The following RAD51D variants were observed in gnomAD, a reference collection of about 807,000 sequenced individuals.
RAD51D encodes DNA repair protein RAD51 homolog 4.
A neutral mutation model predicts 44.1 loss-of-function variants in RAD51D; 38 were observed. The ratio of observed to expected loss-of-function variants is 0.86; its 90% CI spans 0.67 to 1.13. The LOEUF is 1.13. Among genes scored for constraint, RAD51D ranks in the 50% most tolerant of loss-of-function variants. The pLI is 0.00. For missense variants in RAD51D, 390 were observed against 414.0 expected (o/e 0.94, Z 0.50); for synonymous variants, 141 against 166.6 (o/e 0.85, Z 1.18).
intron 3 of RAD51D, among the ~76,000 whole-genome samples, chr17:35,116,077 A>G (rs28363266): frequency 2.5e-4 from 38 of 150,950 alleles, no homozygotes; most frequent in East Asian, 7.8e-4. Flanking sequence ...ACAAAAAAAA[A>G]AAAGAAAGAA....
At position 35,118,577 on chromosome 17, in the gene RAD51D, C is replaced by G. The variant is rs777402267; in HGVS notation, c.187G>C (p.Ala63Pro). 1 of 1,614,076 alleles carries G rather than the reference C, an allele frequency of 6.2e-7. No individual in the cohort carries two copies. Among genetic ancestry groups the G allele is most frequent in the Non-Finnish European group, 8.5e-7 (1 of 1,180,046 alleles). Residue 63 changes from alanine to proline, a missense_variant, in exon 3 of 10, where the codon GCT becomes CCT. Coordinates refer to ENST00000345365, the MANE Select transcript of RAD51D (RefSeq NM_002878.4). ...LRRVLLAQFSAFPVNGADLYE... is the reference protein window; with the variant it reads ...LRRVLLAQFSPFPVNGADLYE... ...AGATCAGCGCCATTCACGGGGAAAG[C>G]CGAGAACTGAGCCAGCAGCACCCGC...
At chr17:35,113,157 A>C (rs544341368) in intron 3 of RAD51D, among the ~76,000 whole-genome samples, 161 of 152,258 alleles carry the variant, frequency 1.1e-3, no homozygotes, top group African/African-American at 3.8e-3. Flanking sequence ...TCACATGCGT[A>C]CCTTTCCTAG....
chr17:35,108,735 G>A (rs1298542108), intron 3 of RAD51D, among the ~76,000 whole-genome samples: 1 of 151,880 alleles, frequency 6.6e-6, no homozygotes, highest in African/African-American at 2.4e-5. Context: ...CCCTTTTATA[G>A]CCACATTCCT....
chr17:35,094,080 A>C lies in RAD51D; in HGVS notation c.*6873T>G, dbSNP rs2142398600. 6.6e-6 allele frequency: 1 copy of C among 152,366 alleles called. No homozygotes were observed. The highest frequency in any genetic ancestry group is 1.9e-4 in the East Asian group (1 of 5,178). The allele number at this position is 152,366 out of a possible 1,614,324, so 9.4% of individuals were successfully genotyped here. A position where few individuals can be genotyped will look rare whatever the true frequency, so the allele number is the denominator to read the frequency against. On this transcript the variant is annotated 3_prime_UTR_variant, in exon 10 of 10. Transcript: ENST00000345365. ...AATCCCTTATCTCCCCCTGCTTCAC[A>C]TCTCAGGGATGCATAGGCCCTGTTT... is the stretch of plus-strand genomic sequence containing the variant.
intron 3 of RAD51D, among the ~76,000 whole-genome samples, chr17:35,117,512 G>A (rs1380825268): frequency 6.6e-6 from 1 of 151,976 alleles, no homozygotes; most frequent in East Asian, 1.9e-4. Flanking sequence ...TTTTTTTTGA[G>A]AGAGTCTCGC....
chr17:35,111,792 T>A (rs1375778177), intron 3 of RAD51D, among the ~76,000 whole-genome samples: 1 of 152,160 alleles, frequency 6.6e-6, no homozygotes, highest in Non-Finnish European at 1.5e-5. Context: ...ATTATTAGAA[T>A]AAGCTTGTCT....
chr17:35,101,221 G>C lies in RAD51D; in HGVS notation c.883C>G (p.Leu295Val), dbSNP rs752910287. Residue 295 changes from leucine (L) to valine (V), a missense_variant, in exon 9 of 10, where the codon CTG becomes GTG. Coordinates refer to ENST00000345365, the MANE Select transcript of RAD51D (RefSeq NM_002878.4). ...GASGGRRMAC[L>V]AKSSRQPTGF... ...CTCACCTGTCGGGAAGATTTGGCCA[G>C]ACACGCCATGCGCCGGCCGCCTGAT... The C allele has an allele frequency of 1.9e-6, 3 of 1,614,156 alleles. No homozygotes were observed. Among genetic ancestry groups the C allele is most frequent in the Non-Finnish European group, 1.7e-6 (2 of 1,180,022 alleles).
intron 3 of RAD51D, chr17:35,116,839 G>A (rs567274031): frequency 2.5e-5 from 37 of 1,493,754 alleles, no homozygotes; most frequent in Admixed American, 1.8e-4. Flanking sequence ...TGGTTGTGAC[G>A]AATAAATGAA....
At chr17:35,119,370 G>T in intron 1 of RAD51D, 162 bp downstream of exon 1, 1 of 951,054 alleles carries the variant, frequency 1.1e-6, no homozygotes, top group Non-Finnish European at 1.7e-6. Flanking sequence ...TTTAGAGCTT[G>T]GCTCCCCACG....
rs2091527352 is a variant in RAD51D at position 35,100,969 on chromosome 17, T to C, written c.971A>G (p.Gln324Arg). ...CAGCACAGGTCATGTCTGATCACCC[T>C]GTAATGTGGCACTCTGCTCTGAGGT... is the stretch of plus-strand genomic sequence containing the variant. ...WGTSEQSATL[Q>R]GDQT The change falls in exon 10 of 10, where the codon CAG becomes CGG. Residue 324 changes from glutamine to arginine, a missense_variant. Coordinates refer to ENST00000345365, the MANE Select transcript of RAD51D (RefSeq NM_002878.4). The C allele has an allele frequency of 6.2e-7, 1 of 1,613,100 alleles. No homozygotes were observed.
chr17:35,101,300 C>A lies in RAD51D; in HGVS notation c.804G>T (p.Trp268Cys), dbSNP rs1597856016. 6.2e-7 allele frequency: 1 copy of A among 1,614,138 alleles called. No homozygotes were observed. The highest frequency in any genetic ancestry group is 8.5e-7 in the Non-Finnish European group (1 of 1,180,036). ...GAATCCGAGTGCTGGGCACAAAGCT[C>A]CAGGAGCGTCCGAGGGCAGGTTTGA... ...GRLKPALGRS[W>C]SFVPSTRILL... The change falls in exon 9 of 10, where the codon TGG (tryptophan) becomes TGT (cysteine). Residue 268 changes from tryptophan to cysteine, a missense_variant. Physicochemically the swap from Trp to Cys is radical, Grantham distance 215. Transcript: ENST00000345365.
chr17:35,114,518 CA>C (rs760619515), intron 3 of RAD51D, among the ~76,000 whole-genome samples: 329 of 141,498 alleles, frequency 2.3e-3, no homozygotes, highest in African/African-American at 4.6e-3. Context: ...CCTGTCTCTA[CA>C]AAAAAAAAAA....
intron 4 of RAD51D, 77 bp downstream of exon 4, chr17:35,107,289 A>G (rs1433045341): frequency 2.0e-6 from 3 of 1,467,130 alleles, no homozygotes; most frequent in Non-Finnish European, 1.9e-6. Flanking sequence ...AGTACGCTGA[A>G]GCTCCCCCAG....
Position 35,103,176 on chromosome 17 carries a change from C to G in RAD51D, c.738+78G>C. On this transcript the variant is annotated intron_variant, in intron 8 of 9. Coordinates refer to ENST00000345365, the MANE Select transcript of RAD51D (RefSeq NM_002878.4). The surrounding 1 kb of genome is among the most constrained non-coding windows in gnomAD (Gnocchi z 4.1). ...TTTCCTAAAGGGCCACTTTGGGGTT[C>G]AGAAGCTGACATTTAAGGGAAATAA... The G allele has an allele frequency of 6.9e-7, 1 of 1,445,298 alleles. No individual in the cohort carries two copies. The highest frequency in any genetic ancestry group is 9.5e-7 in the Non-Finnish European group (1 of 1,051,284). 89.5% of individuals were successfully genotyped at this position (1,445,298 alleles called of 1,614,324 possible). A position where few individuals can be genotyped will look rare whatever the true frequency, so the allele number is the denominator to read the frequency against.
chr17:35,113,008 G>A (rs1463646896), intron 3 of RAD51D, among the ~76,000 whole-genome samples: 2 of 152,118 alleles, frequency 1.3e-5, no homozygotes, highest in African/African-American at 2.4e-5. Context: ...AAAGACTTGG[G>A]ATAAACCTCA....
intron 3 of RAD51D, among the ~76,000 whole-genome samples, chr17:35,115,956 G>GGAAATAAAGAAA (rs1555569880): frequency 1.4e-4 from 9 of 65,274 alleles, no homozygotes; most frequent in Non-Finnish European, 2.1e-4. Flanking sequence ...AAGGAAGAAA[G>GGAAATAAAGAAA]GAAAGAAAGA....
intron 3 of RAD51D, among the ~76,000 whole-genome samples, chr17:35,114,403 G>A (rs2091713232): frequency 6.6e-6 from 1 of 151,988 alleles, no homozygotes; most frequent in African/African-American, 2.4e-5. Flanking sequence ...CTGATGCCTG[G>A]CCAGGCATGG....
chr17:35,102,442 AT>A (rs77699085), intron 8 of RAD51D, among the ~76,000 whole-genome samples: 90,216 of 151,370 alleles, frequency 0.6, 28,476 homozygotes, highest in East Asian at 0.82. Context: ...CACCTGGCCT[AT>A]TTTTTTTTAT....
In RAD51D at chr17:35,107,420, G is replaced by A. The variant is rs1597863353; in HGVS notation, c.291C>T (p.Leu97=). ...GSLDKLLDAG[L]YTGEVTEIVG... is the part of the protein sequence containing the mutation. ...CAATTTCAGTCACTTCTCCAGTATA[G>A]AGACCAGCATCAAGCAGTTTATCAA... is the stretch of plus-strand genomic sequence containing the variant. The change falls in exon 4 of 10, where the codon CTC becomes CTT. Residue 97 remains leucine, a synonymous_variant. Coordinates refer to ENST00000345365, the MANE Select transcript of RAD51D (RefSeq NM_002878.4). The A allele has an allele frequency of 1.3e-6, 2 of 1,562,358 alleles. No homozygotes were observed. The highest frequency in any genetic ancestry group is 2.2e-5 in the East Asian group (1 of 44,638).
Sources: allele counts gnomAD v4.1 joint callset (sites outside exome capture counted in the v4.1 genomes callset), GRCh38; gene constraint gnomAD v4.1.1; non-coding constraint Gnocchi (gnomAD v3.1); transcripts MANE v1.5; gene names NCBI Gene and HGNC (gene_info 2026-07-23, HGNC 2026-07-21).